ATRNL1: variants seen among roughly 807,000 people sequenced by gnomAD.
The protein encoded by ATRNL1 is attractin like 1, also known as attractin-like protein 1.
In ATRNL1, 95 loss-of-function variants were observed where a neutral mutation model predicts 182.7. The observed-to-expected ratio is 0.52, with a 90% confidence interval of 0.44 to 0.62. The LOEUF (loss-of-function observed/expected upper bound fraction) is 0.62, where lower values mean the gene tolerates loss of function less well. Ranked by LOEUF, ATRNL1 falls within the 20% of genes least tolerant of loss-of-function variation. The pLI, the probability that ATRNL1 is intolerant of heterozygous loss-of-function variation, is 0.00. For synonymous variants in ATRNL1, 576 were observed against 568.3 expected, an observed-to-expected ratio of 1.01 and a Z score of -0.19; for missense variants, 1,471 against 1,679.5, an observed-to-expected ratio of 0.88 and a Z score of 2.17.
At chr10:115,493,689 A>C (rs576486318) in intron 24 of ATRNL1, among the ~76,000 whole-genome samples, 1 of 152,330 alleles carries the variant, frequency 6.6e-6, no homozygotes, top group Admixed American at 6.5e-5. Context: ...AGAAATTGCC[A>C]AACTGCTTTC....
chr10:115,749,629 C>A (rs1243515616), intron 27 of ATRNL1, among the ~76,000 whole-genome samples: 1 of 151,722 alleles, frequency 6.6e-6, no homozygotes, highest in African/African-American at 2.4e-5. Flanking sequence ...TATTTCAGCT[C>A]TCATGCATTC....
At chr10:115,517,807 T>A (rs1380271425) in intron 24 of ATRNL1, among the ~76,000 whole-genome samples, 1 of 151,900 alleles carries the variant, frequency 6.6e-6, no homozygotes, top group African/African-American at 2.4e-5. Context: ...TAAGTTCTTG[T>A]TGACAATATT....
chr10:115,225,152 C>A (rs1390708147), intron 9 of ATRNL1, among the ~76,000 whole-genome samples: 1 of 151,586 alleles, frequency 6.6e-6, no homozygotes, highest in Non-Finnish European at 1.5e-5. Context: ...TGGGTTCATT[C>A]AAAGAATATA....
At chr10:115,532,783 A>G (rs1165551259) in intron 25 of ATRNL1, among the ~76,000 whole-genome samples, 5 of 151,840 alleles carry the variant, frequency 3.3e-5, no homozygotes, top group Admixed American at 2.0e-4. Flanking sequence ...AGCTCTTATT[A>G]TTTTGAGATA....
intron 1 of ATRNL1, among the ~76,000 whole-genome samples, chr10:115,101,402 A>C (rs1209436721): frequency 6.6e-6 from 1 of 151,798 alleles, no homozygotes; most frequent in African/African-American, 2.4e-5. Context: ...GTTTGCCAAG[A>C]GTTTTTACCA....
At chr10:115,620,386 A>T (rs1456384854) in intron 26 of ATRNL1, among the ~76,000 whole-genome samples, 1 of 152,138 alleles carries the variant, frequency 6.6e-6, no homozygotes, top group Non-Finnish European at 1.5e-5. Flanking sequence ...TGAGAATTGG[A>T]GGGACAGATA....
At position 115,859,465 on chromosome 10, in the gene ATRNL1, A is replaced by T. The variant is rs1169607997; in HGVS notation, c.4018+11474A>T. Among the ~76,000 whole-genome samples, 4 of 152,168 alleles carry T rather than the reference A, an allele frequency of 2.6e-5. No homozygotes were observed. The East Asian group carries it at 5.8e-4, about 22-fold the overall frequency. The stretch of plus-strand genomic sequence containing the variant: ...TCTTACCAGCAGGCAGTACTGCACA[A>T]TTCTGCCACACAGAGCCCAGAAAAG... On this transcript the variant is annotated intron_variant, in intron 28 of 28. Transcript: ENST00000355044.
At chr10:115,272,977 G>A (rs1481268493) in intron 13 of ATRNL1, among the ~76,000 whole-genome samples, 6 of 152,176 alleles carry the variant, frequency 3.9e-5, no homozygotes, top group Non-Finnish European at 8.8e-5. Flanking sequence ...AGCGAGGAAG[G>A]CAAATCTATA....
chr10:115,201,452 T>G, intron 8 of ATRNL1, among the ~76,000 whole-genome samples: 1 of 152,162 alleles, frequency 6.6e-6, no homozygotes. Context: ...TACATATGGC[T>G]AGCCAGTTTT....
chr10:115,221,008 A>G (rs968749915), intron 9 of ATRNL1, among the ~76,000 whole-genome samples: 1 of 152,178 alleles, frequency 6.6e-6, no homozygotes, highest in Non-Finnish European at 1.5e-5. Flanking sequence ...CCCTATCATC[A>G]TCACCTCAGC....
chr10:115,889,753 C>T (rs986081805), intron 28 of ATRNL1, among the ~76,000 whole-genome samples: 26 of 151,968 alleles, frequency 1.7e-4, no homozygotes, highest in African/African-American at 3.9e-4. Context: ...ATTAAACATC[C>T]GAATATTTAT....
intron 26 of ATRNL1, among the ~76,000 whole-genome samples, chr10:115,661,107 C>G (rs1175771350): frequency 6.6e-6 from 1 of 152,038 alleles, no homozygotes; most frequent in African/African-American, 2.4e-5. Flanking sequence ...GCATCTAAGA[C>G]ATTACCTAGA....
At chr10:115,193,265 G>A (rs1308174764) in intron 8 of ATRNL1, among the ~76,000 whole-genome samples, 3 of 151,930 alleles carry the variant, frequency 2.0e-5, no homozygotes, top group Non-Finnish European at 4.4e-5. Context: ...AGTTTTTATA[G>A]TGAAAGGATT....
intron 19 of ATRNL1, among the ~76,000 whole-genome samples, chr10:115,377,769 G>A (rs1263026658): frequency 6.6e-6 from 1 of 152,158 alleles, no homozygotes; most frequent in East Asian, 1.9e-4. Context: ...ATGGTTGAAT[G>A]GAATTGGAGT....
chr10:115,329,306 A>G (rs1012687790), intron 18 of ATRNL1, among the ~76,000 whole-genome samples: 7 of 152,098 alleles, frequency 4.6e-5, no homozygotes, highest in African/African-American at 1.4e-4. Flanking sequence ...TTCCTAACAT[A>G]TTAGCTAACC....
intron 3 of ATRNL1, among the ~76,000 whole-genome samples, chr10:115,124,261 C>T (rs1347706278): frequency 6.6e-6 from 1 of 152,024 alleles, no homozygotes; most frequent in African/African-American, 2.4e-5. Context: ...TTAGGGGTTC[C>T]TACTCTGTCC....
chr10:115,818,520 C>T (rs1330932067), intron 27 of ATRNL1, among the ~76,000 whole-genome samples: 2 of 152,104 alleles, frequency 1.3e-5, no homozygotes, highest in African/African-American at 4.8e-5. Context: ...TAGCAATCAG[C>T]AGTCATTAAT....
Position 115,467,198 on chromosome 10 carries a change from A to G in ATRNL1, c.3442A>G (p.Ile1148Val). 6.2e-7 allele frequency: 1 copy of G among 1,605,022 alleles called. No individual in the cohort carries two copies. Among genetic ancestry groups the G allele is most frequent in the Non-Finnish European group, 8.5e-7 (1 of 1,174,598 alleles). The change falls in exon 23 of 29, where the codon ATT becomes GTT. Residue 1148 changes from isoleucine to valine, a missense_variant. Physicochemically the swap from Ile to Val is conservative, Grantham distance 29 (BLOSUM62 3). This residue lies in a region of ATRNL1 where 437 missense variants were observed against 506.0 expected (regional missense o/e 0.86). Coordinates refer to ENST00000355044, the MANE Select transcript of ATRNL1 (RefSeq NM_207303.4). ...GTCGAACAAAAATCTGGATATATCAATTAATGCATCAAACAACTTTAATCT... is the reference window on the plus strand; with the variant it reads ...GTCGAACAAAAATCTGGATATATCAGTTAATGCATCAAACAACTTTAATCT... ...EQSNKNLDIS[I>V]NASNNFNLNI...
chr10:115,242,395 T>G (rs1167241689), intron 10 of ATRNL1, among the ~76,000 whole-genome samples: 1 of 151,934 alleles, frequency 6.6e-6, no homozygotes, highest in Non-Finnish European at 1.5e-5. Flanking sequence ...AATACTAAAT[T>G]TAGGTATCCA....
Sources: gnomAD v4.1 joint callset for allele counts (sites outside exome capture counted in the v4.1 genomes callset) on GRCh38, gnomAD v4.1.1 for gene constraint, gnomAD v4.1.1 regional missense constraint, MANE v1.5 for transcripts, NCBI Gene and HGNC (gene_info 2026-07-23, HGNC 2026-07-21) for gene names.